The following PTAFR variants were observed in gnomAD, a reference collection of about 807,000 sequenced individuals.
The protein encoded by PTAFR is platelet-activating factor receptor.
In PTAFR, 8 loss-of-function variants were observed where a neutral mutation model predicts 14.7. The ratio of observed to expected loss-of-function variants is 0.54; its 90% CI spans 0.32 to 0.98. PTAFR has a LOEUF of 0.98. PTAFR is among the 50% of genes least tolerant of loss of function. PTAFR has a pLI of 0.04. For missense variants in PTAFR, 337 were observed against 451.2 expected, an observed-to-expected ratio of 0.75 and a Z score of 2.29; for synonymous variants, 156 against 176.5, an observed-to-expected ratio of 0.88 and a Z score of 0.92.
chr1:28,159,813 C>A (rs576291108), intron 1 of PTAFR, among the ~76,000 whole-genome samples: 1 of 149,934 alleles, frequency 6.7e-6, no homozygotes, highest in South Asian at 2.1e-4. Context: ...GCAACGAGAA[C>A]GAAACTCCGT....
At chr1:28,179,741 A>G (rs1000518013), upstream of PTAFR, among the ~76,000 whole-genome samples, 3 of 151,950 alleles carry the variant, frequency 2.0e-5, no homozygotes, top group South Asian at 4.1e-4. Context: ...TGGGAGGTTG[A>G]GGCATGAGAA....
Position 28,187,702 on chromosome 1 carries a change from C to T in PTAFR, c.-39+6020G>A, listed in dbSNP as rs552463640. 3.9e-4 allele frequency among the ~76,000 whole-genome samples: 59 copies of T among 152,236 alleles called. 2 individuals are homozygous for T. In the East Asian group the frequency reaches 0.011, roughly 28 times the overall value. ...TTCGCCATGTTGCCCAAGCTGTTCT[C>T]AAACTCCTGGCCTCAAGCGATCTGT... is the stretch of plus-strand genomic sequence containing the variant. On this transcript the variant is annotated intron_variant, in intron 1 of 1. Transcript: ENST00000305392.
chr1:28,182,557 C>T (rs1205373379), intron 1 of PTAFR, among the ~76,000 whole-genome samples: 4 of 151,724 alleles, frequency 2.6e-5, no homozygotes, highest in African/African-American at 7.3e-5. Context: ...CATGCCACTG[C>T]ACTCCAGCCT....
chr1:28,163,345 G>T (rs571105388), intron 1 of PTAFR, among the ~76,000 whole-genome samples: 35 of 152,294 alleles, frequency 2.3e-4, no homozygotes, highest in African/African-American at 7.9e-4. Flanking sequence ...CTTCCTGAGG[G>T]CAGGGACTAG....
chr1:28,186,461 A>G (rs1397753640), intron 1 of PTAFR, among the ~76,000 whole-genome samples: 2 of 152,248 alleles, frequency 1.3e-5, no homozygotes, highest in African/African-American at 4.8e-5. Context: ...AAATCCCAAT[A>G]GTTTTCCCAG....
At chr1:28,181,580 T>C (rs977201993), upstream of PTAFR, among the ~76,000 whole-genome samples, 1 of 151,720 alleles carries the variant, frequency 6.6e-6, no homozygotes, top group African/African-American at 2.4e-5. Flanking sequence ...CCCGTCTCTA[T>C]TAAAAATACA....
chr1:28,183,906 CA>C (rs1266436204), intron 1 of PTAFR, among the ~76,000 whole-genome samples: 1 of 150,936 alleles, frequency 6.6e-6, no homozygotes, highest in South Asian at 2.1e-4. Flanking sequence ...CAAAACAAAA[CA>C]AAAAAAACTT....
At chr1:28,193,667 C>T (rs930470071) in intron 1 of PTAFR, 1 of 152,738 alleles carries the variant, frequency 6.5e-6, no homozygotes, top group Non-Finnish European at 1.5e-5. Context: ...TTCTGCAGGG[C>T]AGCTAGACAA....
At chr1:28,163,045 T>C (rs1437987946) in intron 1 of PTAFR, among the ~76,000 whole-genome samples, 2 of 152,162 alleles carry the variant, frequency 1.3e-5, no homozygotes, top group Non-Finnish European at 2.9e-5. Flanking sequence ...TTTCTACTCT[T>C]GCTGCACTGA....
rs1404002021 is a variant in PTAFR at position 28,147,810 on chromosome 1, T to C, written c.*2183A>G. ...ACATTAGTGGCGTATAACAATCCCA[T>C]GAGGTAGCTTTAACCTCATAGGTAA... On this transcript the variant is annotated 3_prime_UTR_variant, in exon 2 of 2. Coordinates refer to ENST00000373857, the MANE Select transcript of PTAFR (RefSeq NM_000952.5). 2 of 152,192 alleles carry C rather than the reference T, an allele frequency of 1.3e-5. No individual in the cohort carries two copies. Among genetic ancestry groups the C allele is most frequent in the South Asian group, 2.1e-4 (1 of 4,820 alleles). 9.4% of individuals were successfully genotyped at this position (152,192 alleles called of 1,614,324 possible). A position where few individuals can be genotyped will look rare whatever the true frequency, so the allele number is the denominator to read the frequency against.
At chr1:28,156,404 G>A (rs978587769) in intron 1 of PTAFR, among the ~76,000 whole-genome samples, 2 of 152,194 alleles carry the variant, frequency 1.3e-5, no homozygotes, top group African/African-American at 2.4e-5. Flanking sequence ...AAGCAGATAT[G>A]AGAATCCAAC....
chr1:28,179,359 T>A (rs902656868), upstream of PTAFR, among the ~76,000 whole-genome samples: 1 of 152,198 alleles, frequency 6.6e-6, no homozygotes, highest in Non-Finnish European at 1.5e-5. Flanking sequence ...CATGCGCGCA[T>A]GTGGCAACTG....
At chr1:28,179,160 C>T (rs1646542669), upstream of PTAFR, among the ~76,000 whole-genome samples, 1 of 152,132 alleles carries the variant, frequency 6.6e-6, no homozygotes, top group Admixed American at 6.6e-5. Context: ...CAACTCTGCT[C>T]CCCAGCCCAG....
At chr1:28,168,292 C>G (rs1431001446) in intron 1 of PTAFR, among the ~76,000 whole-genome samples, 1 of 152,028 alleles carries the variant, frequency 6.6e-6, no homozygotes, top group Non-Finnish European at 1.5e-5. Flanking sequence ...CTTGAAAAGA[C>G]ATTTGCACAT....
chr1:28,180,404 G>C (rs1306487318), upstream of PTAFR, among the ~76,000 whole-genome samples: 1 of 152,048 alleles, frequency 6.6e-6, no homozygotes, highest in Non-Finnish European at 1.5e-5. Flanking sequence ...TAAAAAAGAA[G>C]TTGCAGCTGA....
intron 1 of PTAFR, among the ~76,000 whole-genome samples, chr1:28,192,767 C>T (rs1457907915): frequency 2.0e-5 from 3 of 151,852 alleles, no homozygotes; most frequent in Non-Finnish European, 4.4e-5. Flanking sequence ...CTGCCTCAAC[C>T]TCCCAAGTAG....
upstream of PTAFR, among the ~76,000 whole-genome samples, chr1:28,179,747 G>A (rs532189145): frequency 6.6e-6 from 1 of 152,022 alleles, no homozygotes; most frequent in Non-Finnish European, 1.5e-5. Flanking sequence ...GTTGAGGCAT[G>A]AGAATTGCTT....
chr1:28,157,024 C>A (rs1227659934), intron 1 of PTAFR, among the ~76,000 whole-genome samples: 1 of 152,194 alleles, frequency 6.6e-6, no homozygotes, highest in Non-Finnish European at 1.5e-5. Flanking sequence ...CTGCCCACGC[C>A]TATTGAGAAA....
chr1:28,161,274 G>C (rs902455338), intron 1 of PTAFR, among the ~76,000 whole-genome samples: 1 of 152,144 alleles, frequency 6.6e-6, no homozygotes, highest in African/African-American at 2.4e-5. Flanking sequence ...ACCAGAGGCA[G>C]AGACAATGTC....
Sources: gnomAD v4.1 joint callset for allele counts (sites outside exome capture counted in the v4.1 genomes callset) on GRCh38, gnomAD v4.1.1 for gene constraint, MANE v1.5 for transcripts, NCBI Gene and HGNC (gene_info 2026-07-23, HGNC 2026-07-21) for gene names.